Variants in RFT1 observed in about 807,000 individuals in gnomAD.
RFT1 encodes RFT1 glycolipid translocator homolog.
Under a neutral mutation model 62.2 loss-of-function variants are expected in RFT1, and 43 were observed. The observed-to-expected ratio is 0.69, with a 90% CI of 0.54 to 0.89. RFT1 has a LOEUF of 0.89. RFT1 is among the 40% of genes least tolerant of loss of function. The probability of loss-of-function intolerance (pLI) is 0.00; values close to 1 mark genes in which losing one functional copy is unlikely to be tolerated. For synonymous variants in RFT1, 262 were observed against 264.6 expected (o/e 0.99, Z 0.10); for missense variants, 605 against 649.9 (o/e 0.93, Z 0.75).
intron 1 of RFT1, among the ~76,000 whole-genome samples, chr3:53,126,905 T>C (rs562430187): frequency 8.3e-4 from 126 of 152,142 alleles, no homozygotes; most frequent in African/African-American, 2.8e-3. Context: ...CTGTGAAGAG[T>C]TGCAATTTGG....
At chr3:53,078,899 C>T in the RFT1 span, among the ~76,000 whole-genome samples, 1 of 152,230 alleles carries the variant, frequency 6.6e-6, no homozygotes, top group Non-Finnish European at 1.5e-5. Context: ...CTTGGCCCCA[C>T]AATGGCCCTG....
intron 7 of RFT1, among the ~76,000 whole-genome samples, chr3:53,107,103 A>G (rs1327551553): frequency 6.6e-6 from 1 of 150,722 alleles, no homozygotes; most frequent in Non-Finnish European, 1.5e-5. Flanking sequence ...AATTACAAAT[A>G]AAAAAAAATA....
chr3:53,076,305 G>A, the RFT1 span, among the ~76,000 whole-genome samples: 1 of 152,186 alleles, frequency 6.6e-6, no homozygotes, highest in Non-Finnish European at 1.5e-5. Context: ...CAAACGGATA[G>A]GTTGGTAAGA....
downstream of RFT1, chr3:53,085,620 G>A (rs1396820629): frequency 6.6e-6 from 1 of 152,244 alleles, no homozygotes; most frequent in Non-Finnish European, 1.5e-5. Context: ...TACTGCAATA[G>A]GTTCCACAAG....
At chr3:53,128,560 T>C (rs1193759112) in intron 1 of RFT1, among the ~76,000 whole-genome samples, 1 of 152,200 alleles carries the variant, frequency 6.6e-6, no homozygotes, top group African/African-American at 2.4e-5. Flanking sequence ...TTGCTCAGGC[T>C]GGAGTGCAGT....
intron 11 of RFT1, 97 bp from the exon 12 acceptor site, chr3:53,092,715 C>T: frequency 7.1e-7 from 1 of 1,399,744 alleles, no homozygotes; most frequent in Non-Finnish European, 9.8e-7. Flanking sequence ...ACAGAAAGAA[C>T]CTGAGCTCCT....
intron 10 of RFT1, among the ~76,000 whole-genome samples, chr3:53,099,800 C>A (rs555628285): frequency 6.6e-6 from 1 of 152,182 alleles, no homozygotes; most frequent in African/African-American, 2.4e-5. Flanking sequence ...CCAGCCTGGG[C>A]AACATGATGA....
At chr3:53,093,601 T>G (rs1198381990) in intron 11 of RFT1, among the ~76,000 whole-genome samples, 1 of 152,066 alleles carries the variant, frequency 6.6e-6, no homozygotes, top group African/African-American at 2.4e-5. Context: ...ATTCTGCACA[T>G]GAGGGGTCGT....
At chr3:53,071,846 G>T in the RFT1 span, among the ~76,000 whole-genome samples, 1 of 152,220 alleles carries the variant, frequency 6.6e-6, no homozygotes, top group East Asian at 1.9e-4. Context: ...GTAAGAACAA[G>T]GTGAAGCCAA....
chr3:53,111,120 A>C (rs1701635768), intron 7 of RFT1, among the ~76,000 whole-genome samples: 1 of 152,250 alleles, frequency 6.6e-6, no homozygotes, highest in Non-Finnish European at 1.5e-5. Context: ...AAATGATATA[A>C]AATGATAAAA....
chr3:53,114,131 C>T (rs1309656911), intron 6 of RFT1, among the ~76,000 whole-genome samples: 1 of 152,186 alleles, frequency 6.6e-6, no homozygotes, highest in Non-Finnish European at 1.5e-5. Flanking sequence ...ACCACGTCAT[C>T]TTCAGACTTG....
intron 10 of RFT1, among the ~76,000 whole-genome samples, chr3:53,101,310 C>T (rs536357323): frequency 8.5e-5 from 13 of 152,288 alleles, no homozygotes; most frequent in South Asian, 2.1e-4. Flanking sequence ...GCTCTGCACC[C>T]GGGAGGCTCA....
At chr3:53,103,573 T>A (rs1170424238) in intron 10 of RFT1, 2 of 256,112 alleles carry the variant, frequency 7.8e-6, no homozygotes, top group Non-Finnish European at 1.6e-5. Flanking sequence ...GCATTTACTA[T>A]CTTCAGATGT....
chr3:53,084,956 C>T (rs1158395721), downstream of RFT1, among the ~76,000 whole-genome samples: 1 of 152,186 alleles, frequency 6.6e-6, no homozygotes, highest in Non-Finnish European at 1.5e-5. Flanking sequence ...AAATGCTGCT[C>T]AGGCCAGGGT....
chr3:53,107,136 GTT>G (rs144970745), intron 7 of RFT1, among the ~76,000 whole-genome samples: 1 of 140,314 alleles, frequency 7.1e-6, no homozygotes, highest in Admixed American at 7.1e-5. Flanking sequence ...GTCTAAAAAG[GTT>G]TTTTTTTTTT....
At chr3:53,094,147 G>T (rs1221265901) in intron 11 of RFT1, among the ~76,000 whole-genome samples, 1 of 152,122 alleles carries the variant, frequency 6.6e-6, no homozygotes, top group Non-Finnish European at 1.5e-5. Context: ...ACATTGGGAG[G>T]TTGAGGCAGG....
At chr3:53,092,715 C>A in intron 11 of RFT1, 97 bp from the exon 12 acceptor site, 2 of 1,399,742 alleles carry the variant, frequency 1.4e-6, no homozygotes, top group Non-Finnish European at 2.0e-6. Context: ...ACAGAAAGAA[C>A]CTGAGCTCCT....
At chr3:53,106,907 T>C (rs1456043892) in intron 7 of RFT1, 38 bp from the exon 8 acceptor site, 1 of 1,469,026 alleles carries the variant, frequency 6.8e-7, no homozygotes, top group Admixed American at 1.7e-5. Context: ...CAATGTCAAA[T>C]GCACATTACT....
At chr3:53,106,335 A>C (rs905785963) in intron 8 of RFT1, among the ~76,000 whole-genome samples, 1 of 152,232 alleles carries the variant, frequency 6.6e-6, no homozygotes, top group Non-Finnish European at 1.5e-5. Flanking sequence ...ACTATAGTAC[A>C]ATATCACAAC....
Sources: allele counts gnomAD v4.1 joint callset (sites outside exome capture counted in the v4.1 genomes callset), GRCh38; gene constraint gnomAD v4.1.1; transcripts MANE v1.5; gene names NCBI Gene and HGNC (gene_info 2026-07-23, HGNC 2026-07-21).